SNX7: variants seen among roughly 807,000 people sequenced by gnomAD.
The protein encoded by SNX7 is sorting nexin-7.
In SNX7, 35 loss-of-function variants were observed where a neutral mutation model predicts 48.4. The ratio of observed to expected loss-of-function variants is 0.72; its 90% CI spans 0.55 to 0.96. The LOEUF (loss-of-function observed/expected upper bound fraction) is 0.96. SNX7 is among the 40% of genes least tolerant of loss of function. The pLI, the probability that SNX7 is intolerant of heterozygous loss-of-function variation, is 0.00. For missense variants in SNX7, 553 were observed against 548.9 expected (o/e 1.01, Z -0.07); for synonymous variants, 190 against 190.2 (o/e 1.00, Z 0.01).
At chr1:98,742,087 A>G (rs1654099550) in intron 8 of SNX7, among the ~76,000 whole-genome samples, 1 of 152,142 alleles carries the variant, frequency 6.6e-6, no homozygotes, top group African/African-American at 2.4e-5. Context: ...GGAACCATTT[A>G]CCCAGTCCAG....
At chr1:98,663,110 G>A (rs1390129870) in intron 1 of SNX7, among the ~76,000 whole-genome samples, 1 of 152,040 alleles carries the variant, frequency 6.6e-6, no homozygotes, top group Non-Finnish European at 1.5e-5. Flanking sequence ...AACGACAGTT[G>A]GCCAGTTGGT....
At chr1:98,748,585 A>G (rs999494851) in intron 8 of SNX7, among the ~76,000 whole-genome samples, 2 of 151,800 alleles carry the variant, frequency 1.3e-5, no homozygotes, top group Non-Finnish European at 2.9e-5. Flanking sequence ...GACAGACTAC[A>G]TACTATGGGC....
At chr1:98,728,199 C>G (rs1191499801) in intron 7 of SNX7, among the ~76,000 whole-genome samples, 2 of 152,114 alleles carry the variant, frequency 1.3e-5, no homozygotes, top group African/African-American at 2.4e-5. Flanking sequence ...TAGCAGAAAC[C>G]CTGCAAGCCA....
intron 7 of SNX7, among the ~76,000 whole-genome samples, chr1:98,735,690 T>C (rs1167930786): frequency 1.3e-5 from 2 of 152,164 alleles, no homozygotes; most frequent in East Asian, 3.8e-4. Flanking sequence ...CCTGTGTAAG[T>C]CAATTAATGG....
intron 7 of SNX7, among the ~76,000 whole-genome samples, chr1:98,708,738 T>C (rs1451155489): frequency 6.6e-6 from 1 of 152,178 alleles, no homozygotes; most frequent in Non-Finnish European, 1.5e-5. Context: ...ATTCAAGGCT[T>C]CATTGGCTTG....
chr1:98,730,240 G>T (rs904816529), intron 7 of SNX7, among the ~76,000 whole-genome samples: 1 of 151,948 alleles, frequency 6.6e-6, no homozygotes. Context: ...CAATAAACTA[G>T]ATATGAATGG....
At chr1:98,726,136 C>T (rs759078345) in intron 7 of SNX7, among the ~76,000 whole-genome samples, 1 of 152,062 alleles carries the variant, frequency 6.6e-6, no homozygotes, top group Non-Finnish European at 1.5e-5. Flanking sequence ...GAAACTGCAC[C>T]CTCTGAAGGA....
At chr1:98,688,183 A>G (rs1342099993) in intron 2 of SNX7, among the ~76,000 whole-genome samples, 1 of 152,162 alleles carries the variant, frequency 6.6e-6, no homozygotes, top group Non-Finnish European at 1.5e-5. Context: ...ATTTATATTC[A>G]TGGGTACTAA....
intron 1 of SNX7, among the ~76,000 whole-genome samples, chr1:98,674,156 T>G (rs1455631702): frequency 6.6e-6 from 1 of 152,244 alleles, no homozygotes; most frequent in African/African-American, 2.4e-5. Context: ...TGAAATATTT[T>G]AATCATGATT....
intron 7 of SNX7, among the ~76,000 whole-genome samples, chr1:98,703,210 A>C (rs940313142): frequency 6.6e-6 from 1 of 152,104 alleles, no homozygotes; most frequent in Non-Finnish European, 1.5e-5. Context: ...AGCCACAGGG[A>C]CTACTCTGAT....
chr1:98,705,978 C>T (rs1409127590), intron 7 of SNX7, among the ~76,000 whole-genome samples: 2 of 152,046 alleles, frequency 1.3e-5, no homozygotes, highest in African/African-American at 4.8e-5. Context: ...CAGGGCAGAT[C>T]GTGGCTCTCT....
chr1:98,733,228 C>G (rs1230229275), intron 7 of SNX7, among the ~76,000 whole-genome samples: 2 of 152,134 alleles, frequency 1.3e-5, no homozygotes, highest in Non-Finnish European at 2.9e-5. Context: ...CTATCACACC[C>G]TACGGTATTT....
intron 1 of SNX7, among the ~76,000 whole-genome samples, chr1:98,663,563 T>C (rs1344746179): frequency 6.6e-6 from 1 of 152,056 alleles, no homozygotes; most frequent in Non-Finnish European, 1.5e-5. Flanking sequence ...TGGGGGTTGC[T>C]GGAGTCGCAG....
chr1:98,738,368 G>A lies in SNX7; in HGVS notation c.1257G>A (p.Glu419=). Residue 419 remains glutamate, a synonymous_variant, in exon 8 of 9, where the codon GAG becomes GAA. Coordinates refer to ENST00000306121, the MANE Select transcript of SNX7 (RefSeq NM_015976.5). ...TAGCATTTACAGATATGGCTGAGGA[G>A]AATATCCATTATTATGAACAGGTAA... ...IKLAFTDMAE[E]NIHYYEQCLA... is the part of the protein sequence containing the mutation. The A allele has an allele frequency of 6.2e-7, 1 of 1,613,164 alleles. No homozygotes were observed. Among genetic ancestry groups the A allele is most frequent in the Non-Finnish European group, 8.5e-7 (1 of 1,179,490 alleles).
At chr1:98,702,127 C>T (rs1050029408) in intron 7 of SNX7, among the ~76,000 whole-genome samples, 1 of 152,038 alleles carries the variant, frequency 6.6e-6, no homozygotes, top group Admixed American at 6.6e-5. Flanking sequence ...TGACTTATGT[C>T]TCATACTATT....
intron 8 of SNX7, among the ~76,000 whole-genome samples, chr1:98,743,623 T>G (rs1045315818): frequency 1.3e-5 from 2 of 152,006 alleles, no homozygotes; most frequent in African/African-American, 4.8e-5. Flanking sequence ...TTACAGAAAT[T>G]TTGTAAAAAT....
chr1:98,752,079 A>G (rs1654613934), intron 8 of SNX7, among the ~76,000 whole-genome samples: 1 of 152,110 alleles, frequency 6.6e-6, no homozygotes, highest in African/African-American at 2.4e-5. Flanking sequence ...ACAAATAGAA[A>G]CATGTTTTAA....
chr1:98,687,191 A>G (rs1570514339), intron 2 of SNX7, among the ~76,000 whole-genome samples: 2 of 152,278 alleles, frequency 1.3e-5, no homozygotes, highest in African/African-American at 4.8e-5. Flanking sequence ...CATTTCATGC[A>G]CGAGGACACC....
intron 8 of SNX7, among the ~76,000 whole-genome samples, chr1:98,746,283 G>C (rs922461168): frequency 2.6e-5 from 4 of 151,834 alleles, no homozygotes. Flanking sequence ...TAGTTCTTTG[G>C]GTCTCGAATT....
Sources: gnomAD v4.1 joint callset for allele counts (sites outside exome capture counted in the v4.1 genomes callset) on GRCh38, gnomAD v4.1.1 for gene constraint, MANE v1.5 for transcripts, NCBI Gene and HGNC (gene_info 2026-07-23, HGNC 2026-07-21) for gene names.